The following ZCCHC14 variants were observed in gnomAD, a reference collection of about 807,000 sequenced individuals.
The protein encoded by ZCCHC14 is zinc finger CCHC-type containing 14, also known as zinc finger CCHC domain-containing protein 14.
A neutral mutation model predicts 85.0 loss-of-function variants in ZCCHC14; 16 were observed. The observed-to-expected ratio is 0.19, with a 90% CI of 0.13 to 0.29. ZCCHC14 has a LOEUF of 0.29. ZCCHC14 is among the 10% of genes least tolerant of loss of function. The probability of loss-of-function intolerance (pLI) is 1.00; values close to 1 mark genes in which losing one functional copy is unlikely to be tolerated. For missense variants in ZCCHC14, 1,303 were observed against 1,443.5 expected (o/e 0.90, Z 1.58); for synonymous variants, 775 against 630.7 (o/e 1.23, Z -3.43).
chr16:87,488,192 A>T (rs1912600232), intron 1 of ZCCHC14, among the ~76,000 whole-genome samples: 1 of 152,234 alleles, frequency 6.6e-6, no homozygotes, highest in African/African-American at 2.4e-5. Context: ...CAGCATATTA[A>T]TTATCACTGA....
At chr16:87,476,506 C>G (rs1261508270) in intron 1 of ZCCHC14, among the ~76,000 whole-genome samples, 1 of 152,020 alleles carries the variant, frequency 6.6e-6, no homozygotes, top group Non-Finnish European at 1.5e-5. Flanking sequence ...CAGTGACCAG[C>G]TTCTTACACT....
intron 3 of ZCCHC14, among the ~76,000 whole-genome samples, chr16:87,426,340 G>A (rs1909370511): frequency 6.6e-6 from 1 of 152,198 alleles, no homozygotes; most frequent in African/African-American, 2.4e-5. Context: ...TCCACAACCA[G>A]CTACCCCATT....
rs1908363792 is a variant in ZCCHC14, at chr16:87,410,033, G to C, written c.*247C>G. On this transcript the variant is annotated 3_prime_UTR_variant, in exon 13 of 13. Transcript: ENST00000671377. Reference sequence around the variant, plus strand: ...TCTCTGCACTGCAACCAAAAGTGGAGGTGGCCGATCTCACCAGCCACAGAG... The same window carrying C: ...TCTCTGCACTGCAACCAAAAGTGGACGTGGCCGATCTCACCAGCCACAGAG... 1 of 368,188 alleles carries C rather than the reference G, an allele frequency of 2.7e-6. No homozygotes were observed. Among genetic ancestry groups the C allele is most frequent in the Admixed American group, 4.9e-5 (1 of 20,526 alleles). The allele number at this position is 368,188 out of a possible 1,614,324, so 22.8% of individuals were successfully genotyped here.
rs1425765047 is a variant in ZCCHC14, at chr16:87,409,691, T to C, written c.*589A>G. Reference sequence around the variant, plus strand: ...CCTCTGCTGGTGCTGACTCTTTCAATATGGATTATTGGAGTCTCTTGCACT... The same window carrying C: ...CCTCTGCTGGTGCTGACTCTTTCAACATGGATTATTGGAGTCTCTTGCACT... On this transcript the variant is annotated 3_prime_UTR_variant, in exon 13 of 13. Coordinates refer to ENST00000671377, the MANE Select transcript of ZCCHC14 (RefSeq NM_015144.3). 2 of 152,682 alleles carry C rather than the reference T, an allele frequency of 1.3e-5. No homozygotes were observed. The highest frequency in any genetic ancestry group is 2.9e-5 in the Non-Finnish European group (2 of 68,064). The allele number at this position is 152,682 out of a possible 1,614,324, so 9.5% of individuals were successfully genotyped here.
intron 3 of ZCCHC14, among the ~76,000 whole-genome samples, chr16:87,429,684 G>A (rs1228995067): frequency 6.6e-6 from 1 of 151,786 alleles, no homozygotes; most frequent in Admixed American, 6.6e-5. Context: ...TTGGCTCACT[G>A]CAACCTCCGC....
Position 87,459,345 on chromosome 16 carries a change from C to T in ZCCHC14, c.694+663G>A, listed in dbSNP as rs1028317616. Among the ~76,000 whole-genome samples, 5 of 151,694 alleles carry T rather than the reference C, an allele frequency of 3.3e-5. No individual in the cohort carries two copies. The South Asian group carries it at 6.3e-4, about 19-fold the overall frequency. On this transcript the variant is annotated intron_variant, in intron 2 of 12. Coordinates refer to ENST00000671377, the MANE Select transcript of ZCCHC14 (RefSeq NM_015144.3). ...AGGAGGGTGTAAAACTTATTCCTCC[C>T]ACCCTTTTTTTTTTTTTGAGATGTA...
At chr16:87,455,556 C>T (rs1910915882) in intron 2 of ZCCHC14, among the ~76,000 whole-genome samples, 1 of 152,206 alleles carries the variant, frequency 6.6e-6, no homozygotes, top group Non-Finnish European at 1.5e-5. Context: ...TTGACTCCTC[C>T]TGTGTCTCTA....
chr16:87,465,175 C>T (rs1388725374), intron 1 of ZCCHC14, among the ~76,000 whole-genome samples: 1 of 152,240 alleles, frequency 6.6e-6, no homozygotes, highest in African/African-American at 2.4e-5. Context: ...TATACTCAAA[C>T]GTCCTTCTTA....
At chr16:87,458,271 G>C (rs762103848) in intron 2 of ZCCHC14, among the ~76,000 whole-genome samples, 1 of 152,168 alleles carries the variant, frequency 6.6e-6, no homozygotes, top group Non-Finnish European at 1.5e-5. Flanking sequence ...GGATGGCATG[G>C]GGGAAGGAAG....
intron 2 of ZCCHC14, among the ~76,000 whole-genome samples, chr16:87,443,452 G>A (rs1209813824): frequency 9.9e-5 from 15 of 152,190 alleles, no homozygotes. Flanking sequence ...GATGCTGACA[G>A]TGGCCAGGCA....
chr16:87,477,080 G>A (rs1175059644), intron 1 of ZCCHC14, among the ~76,000 whole-genome samples: 3 of 129,118 alleles, frequency 2.3e-5, no homozygotes, highest in Admixed American at 9.1e-5. Context: ...AGCCAAGATC[G>A]CTACATTGTA....
chr16:87,467,597 AG>A, intron 1 of ZCCHC14: 1 of 1,335,516 alleles, frequency 7.5e-7, no homozygotes, highest in Non-Finnish European at 1.1e-6. Context: ...ATAGGTGTCA[AG>A]GATCTGGAGA....
rs1421620465 is a variant in ZCCHC14, at chr16:87,414,558, C to A, written c.1476-17G>T. On this transcript the variant is annotated splice_polypyrimidine_tract_variant and intron_variant, in intron 9 of 12. Transcript: ENST00000671377. ...GACTTCTCCCTGTGAAATAATCAAGCACAGGAACAAGTGAGCACTGCCTAC... is the reference window on the plus strand; with the variant it reads ...GACTTCTCCCTGTGAAATAATCAAGAACAGGAACAAGTGAGCACTGCCTAC... 6.2e-7 allele frequency: 1 copy of A among 1,604,720 alleles called. No homozygotes were observed. The highest frequency in any genetic ancestry group is 8.5e-7 in the Non-Finnish European group (1 of 1,174,944).
chr16:87,484,445 G>T (rs181373673), intron 1 of ZCCHC14, among the ~76,000 whole-genome samples: 10 of 152,336 alleles, frequency 6.6e-5, no homozygotes, highest in Middle Eastern at 6.8e-3. Context: ...GGACGCTGAG[G>T]AATAACTGAA....
intron 1 of ZCCHC14, among the ~76,000 whole-genome samples, chr16:87,478,226 G>A (rs1341848650): frequency 1.3e-5 from 2 of 152,172 alleles, no homozygotes; most frequent in Admixed American, 1.3e-4. Flanking sequence ...ATGCAGTGTC[G>A]AAAGTTCAGA....
Position 87,406,862 on chromosome 16 carries a change from C to T in ZCCHC14, c.*3418G>A, listed in dbSNP as rs1908224438. 6.6e-6 allele frequency: 1 copy of T among 152,272 alleles called. No homozygotes were observed. Among genetic ancestry groups the T allele is most frequent in the Non-Finnish European group, 1.5e-5 (1 of 68,100 alleles). The allele number at this position is 152,272 out of a possible 1,614,324, so 9.4% of individuals were successfully genotyped here. ...CACCTGACTCATTCTTTGGAAGTCA[C>T]CTGCATGCTGGAAATGGCAGCCACC... On this transcript the variant is annotated 3_prime_UTR_variant, in exon 13 of 13. Coordinates refer to ENST00000671377, the MANE Select transcript of ZCCHC14 (RefSeq NM_015144.3).
chr16:87,464,541 A>C, intron 1 of ZCCHC14, among the ~76,000 whole-genome samples: 1 of 152,250 alleles, frequency 6.6e-6, no homozygotes, highest in Non-Finnish European at 1.5e-5. Context: ...GTCTGCCACA[A>C]CCACAACTGG....
chr16:87,446,226 G>A (rs1002709708), intron 2 of ZCCHC14, among the ~76,000 whole-genome samples: 1 of 151,676 alleles, frequency 6.6e-6, no homozygotes, highest in Admixed American at 6.6e-5. Context: ...GCTCACGCCT[G>A]TAATCCCAGC....
intron 1 of ZCCHC14, among the ~76,000 whole-genome samples, chr16:87,468,699 G>C (rs1911645538): frequency 6.6e-6 from 1 of 152,142 alleles, no homozygotes; most frequent in Non-Finnish European, 1.5e-5. Flanking sequence ...TGTCCCCAGG[G>C]GACATCTGGC....
Sources: allele counts gnomAD v4.1 joint callset (sites outside exome capture counted in the v4.1 genomes callset), GRCh38; gene constraint gnomAD v4.1.1; transcripts MANE v1.5; gene names NCBI Gene and HGNC (gene_info 2026-07-23, HGNC 2026-07-21).